The following ERGIC1 variants were observed in gnomAD, a reference collection of about 807,000 sequenced individuals.
The protein encoded by ERGIC1 is endoplasmic reticulum-Golgi intermediate compartment protein 1.
ERGIC1 carries 19 observed loss-of-function variants against 38.3 expected under a neutral mutation model. The observed-to-expected ratio is 0.50, with a 90% CI of 0.35 to 0.73. The LOEUF (loss-of-function observed/expected upper bound fraction) is 0.73, where lower values mean the gene tolerates loss of function less well. Ranked by LOEUF, ERGIC1 falls within the 30% of genes least tolerant of loss-of-function variation. The probability of loss-of-function intolerance (pLI) is 0.01; values close to 1 mark genes in which losing one functional copy is unlikely to be tolerated. For missense variants in ERGIC1, 294 were observed against 389.2 expected, an observed-to-expected ratio of 0.76 and a Z score of 2.06; for synonymous variants, 124 against 157.6, an observed-to-expected ratio of 0.79 and a Z score of 1.60.
At chr5:172,854,135 C>T (rs1761480528) in intron 1 of ERGIC1, among the ~76,000 whole-genome samples, 1 of 151,822 alleles carries the variant, frequency 6.6e-6, no homozygotes, top group Non-Finnish European at 1.5e-5. Flanking sequence ...AATCCCAGCA[C>T]TTTGGGAGAC....
intron 1 of ERGIC1, among the ~76,000 whole-genome samples, chr5:172,872,552 C>T (rs559949404): frequency 1.3e-5 from 2 of 152,280 alleles, no homozygotes; most frequent in South Asian, 2.1e-4. Context: ...TGGTAGCTCA[C>T]ACCCGTAATC....
intron 2 of ERGIC1, among the ~76,000 whole-genome samples, chr5:172,892,705 G>A (rs991722679): frequency 1.3e-5 from 2 of 152,106 alleles, no homozygotes; most frequent in Non-Finnish European, 2.9e-5. Context: ...GGCCTTTCTG[G>A]TTGAAATAGT....
chr5:172,911,223 G>C (rs749490839), intron 4 of ERGIC1, among the ~76,000 whole-genome samples: 4 of 152,188 alleles, frequency 2.6e-5, no homozygotes, highest in Admixed American at 2.6e-4. Context: ...TGAGATTTAC[G>C]TCACAATTTT....
intron 9 of ERGIC1, among the ~76,000 whole-genome samples, chr5:172,941,063 G>GA (rs998819086): frequency 6.6e-6 from 1 of 152,216 alleles, no homozygotes; most frequent in Non-Finnish European, 1.5e-5. Flanking sequence ...CAGATCTCCT[G>GA]AGGCTAAGAG....
At chr5:172,910,635 C>G (rs573518355) in intron 4 of ERGIC1, among the ~76,000 whole-genome samples, 2 of 149,666 alleles carry the variant, frequency 1.3e-5, no homozygotes, top group Admixed American at 1.3e-4. Flanking sequence ...AGCGATTCTT[C>G]TGCCTCAGCC....
intron 4 of ERGIC1, 34 bp from the exon 5 acceptor site, chr5:172,914,680 G>A: frequency 1.2e-6 from 2 of 1,613,872 alleles, no homozygotes; most frequent in Non-Finnish European, 1.7e-6. Flanking sequence ...GCGTCTCTGG[G>A]TTTGTGACTG....
At chr5:172,940,127 G>A (rs538404039) in intron 9 of ERGIC1, among the ~76,000 whole-genome samples, 126 of 152,238 alleles carry the variant, frequency 8.3e-4, no homozygotes, top group Non-Finnish European at 1.3e-3. Context: ...CTGGAGGGAG[G>A]GAGGGTAGAG....
chr5:172,944,165 G>T (rs1467443097), intron 9 of ERGIC1, among the ~76,000 whole-genome samples: 1 of 152,312 alleles, frequency 6.6e-6, no homozygotes, highest in African/African-American at 2.4e-5. Flanking sequence ...CCAGAGCAGT[G>T]GTGCATGCAC....
intron 2 of ERGIC1, among the ~76,000 whole-genome samples, chr5:172,893,935 G>GTGTGTGTGTGTGTA (rs1429850022): frequency 1.8e-3 from 76 of 42,766 alleles, no homozygotes; most frequent in Admixed American, 3.2e-3. Context: ...GTGTGTGTGT[G>GTGTGTGTGTGTGTA]TATATATATA....
intron 2 of ERGIC1, among the ~76,000 whole-genome samples, chr5:172,890,404 T>C (rs567916996): frequency 6.6e-6 from 1 of 152,304 alleles, no homozygotes; most frequent in South Asian, 2.1e-4. Flanking sequence ...ATCTGGAGTT[T>C]GTGGGAAAAC....
At position 172,862,493 on chromosome 5, in the gene ERGIC1, ATG is replaced by A. The variant is rs1298350997; in HGVS notation, c.21-26205_21-26204del. 1.8e-4 allele frequency among the ~76,000 whole-genome samples: 28 copies of A among 152,188 alleles called. No individual in the cohort carries two copies. In the South Asian group the frequency reaches 2.7e-3, roughly 15 times the overall value. On this transcript the variant is annotated intron_variant, in intron 1 of 9. Coordinates refer to ENST00000393784, the MANE Select transcript of ERGIC1 (RefSeq NM_001031711.3). Reference sequence around the variant, plus strand: ...TGAGCACTCCCGAGCACAAAGGTGGATGCCCTTCAGCTGTAAGATCCCTTTTC... The same window carrying A: ...TGAGCACTCCCGAGCACAAAGGTGGACCCTTCAGCTGTAAGATCCCTTTTC...
rs1761059841 is a variant in ERGIC1 at position 172,837,283 on chromosome 5, C to T, written c.20+2850C>T. The stretch of plus-strand genomic sequence containing the variant: ...GTGAAATGGGAATGAGGAGAGTACT[C>T]ACCGAAGTAGAACAGTTGAGGGATG... On this transcript the variant is annotated intron_variant, in intron 1 of 9. Coordinates refer to ENST00000393784, the MANE Select transcript of ERGIC1 (RefSeq NM_001031711.3). The surrounding 1 kb of genome is among the most constrained non-coding windows in gnomAD (Gnocchi z 4.3). Among the ~76,000 whole-genome samples the T allele has an allele frequency of 6.6e-6, 1 of 152,192 alleles. No homozygotes were observed. Among genetic ancestry groups the T allele is most frequent in the Non-Finnish European group, 1.5e-5 (1 of 68,044 alleles).
chr5:172,872,776 CT>C (rs1762047858), intron 1 of ERGIC1, among the ~76,000 whole-genome samples: 1 of 152,012 alleles, frequency 6.6e-6, no homozygotes, highest in African/African-American at 2.4e-5. Context: ...GATCACACCA[CT>C]GCATTCCAGC....
intron 8 of ERGIC1, 113 bp downstream of exon 8, chr5:172,932,649 C>A: frequency 9.1e-7 from 1 of 1,102,242 alleles, no homozygotes; most frequent in Non-Finnish European, 1.3e-6. Context: ...TTTCTGGAGG[C>A]CTTTCCTGGG....
At chr5:172,886,314 C>T (rs1400446383) in intron 1 of ERGIC1, among the ~76,000 whole-genome samples, 1 of 151,794 alleles carries the variant, frequency 6.6e-6, no homozygotes, top group Non-Finnish European at 1.5e-5. Context: ...CCTCTCCTTG[C>T]CTGGGCTGCT....
At chr5:172,911,367 C>A (rs1436880471) in intron 4 of ERGIC1, among the ~76,000 whole-genome samples, 1 of 152,074 alleles carries the variant, frequency 6.6e-6, no homozygotes, top group African/African-American at 2.4e-5. Context: ...ATCTCTGGAA[C>A]AAGGAAATTC....
At chr5:172,847,628 C>T in intron 1 of ERGIC1, among the ~76,000 whole-genome samples, 1 of 152,138 alleles carries the variant, frequency 6.6e-6, no homozygotes, top group Admixed American at 6.5e-5. Context: ...ATTCTTCTGC[C>T]TCAGCCTCCC....
chr5:172,911,918 C>G (rs571256298), intron 4 of ERGIC1, among the ~76,000 whole-genome samples: 61 of 152,208 alleles, frequency 4.0e-4, no homozygotes, highest in African/African-American at 1.3e-3. Context: ...CCCCAAAGGA[C>G]ACCTCTGCTA....
intron 7 of ERGIC1, among the ~76,000 whole-genome samples, chr5:172,928,971 G>A (rs1229041484): frequency 1.3e-5 from 2 of 152,064 alleles, no homozygotes; most frequent in East Asian, 3.8e-4. Context: ...CTTCATTATC[G>A]TCAGCAGCTA....
Sources: gnomAD v4.1 joint callset for allele counts (sites outside exome capture counted in the v4.1 genomes callset) on GRCh38, gnomAD v4.1.1 for gene constraint, Gnocchi (gnomAD v3.1) non-coding constraint, MANE v1.5 for transcripts, NCBI Gene and HGNC (gene_info 2026-07-23, HGNC 2026-07-21) for gene names.